DNAJC8: variants seen among roughly 807,000 people sequenced by gnomAD.
DNAJC8 encodes the protein DnaJ heat shock protein family (Hsp40) member C8.
In DNAJC8, 24 loss-of-function variants were observed where a neutral mutation model predicts 43.2. The ratio of observed to expected loss-of-function variants is 0.56; its 90% CI spans 0.40 to 0.78. DNAJC8 has a LOEUF of 0.78. DNAJC8 is among the 30% of genes least tolerant of loss of function. DNAJC8 has a pLI of 0.00. For missense variants in DNAJC8, 207 were observed against 299.4 expected, an observed-to-expected ratio of 0.69 and a Z score of 2.28; for synonymous variants, 83 against 98.0, an observed-to-expected ratio of 0.85 and a Z score of 0.90.
chr1:28,227,237 C>T lies in DNAJC8; in HGVS notation c.180+1685G>A, dbSNP rs1430225442. Among the ~76,000 whole-genome samples, 24 of 148,036 alleles carry T rather than the reference C, an allele frequency of 1.6e-4. 3 individuals are homozygous for T. Among genetic ancestry groups the T allele is most frequent in the Admixed American group, 1.3e-3 (19 of 14,662 alleles). Reference sequence around the variant, plus strand: ...CAACCTGAACAATATGGCAAAACCCCGTCTCTACTAAAAATACAAAAATTA... The same window carrying T: ...CAACCTGAACAATATGGCAAAACCCTGTCTCTACTAAAAATACAAAAATTA... On this transcript the variant is annotated intron_variant, in intron 2 of 8. Transcript: ENST00000263697.
At chr1:28,205,415 A>ACTTT (rs1646762122) in intron 6 of DNAJC8, 66 bp from the exon 7 acceptor site, 1 of 1,233,374 alleles carries the variant, frequency 8.1e-7, no homozygotes, top group Non-Finnish European at 1.2e-6. Flanking sequence ...TGAACCATGT[A>ACTTT]CTTTCACCTG....
chr1:28,233,001 C>G lies in DNAJC8; in HGVS notation c.-3G>C. On this transcript the variant is annotated 5_prime_UTR_variant, in exon 1 of 9. Coordinates refer to ENST00000263697, the MANE Select transcript of DNAJC8 (RefSeq NM_014280.3). ...CCGCTCTCTCCTGAAGCCGCCATTT[C>G]CCCGGCCCAGCCACCACGTGACCCT... 1 of 1,611,608 alleles carries G rather than the reference C, an allele frequency of 6.2e-7. No homozygotes were observed. The highest frequency in any genetic ancestry group is 1.1e-5 in the South Asian group (1 of 91,066).
chr1:28,209,922 C>T (rs376181446), intron 5 of DNAJC8, 50 bp downstream of exon 5: 1 of 1,567,038 alleles, frequency 6.4e-7, no homozygotes, highest in Middle Eastern at 1.7e-4. Context: ...ACAAGGTGCC[C>T]AAGGCTTGCT....
chr1:28,226,589 C>T (rs1055335384), intron 2 of DNAJC8, among the ~76,000 whole-genome samples: 1 of 150,964 alleles, frequency 6.6e-6, no homozygotes, highest in Non-Finnish European at 1.5e-5. Context: ...TTTTTTACCC[C>T]CCAGTCTATT....
At chr1:28,217,579 C>T (rs555903505) in intron 2 of DNAJC8, among the ~76,000 whole-genome samples, 9 of 152,146 alleles carry the variant, frequency 5.9e-5, no homozygotes, top group Admixed American at 5.9e-4. Context: ...ATAGGAAGAG[C>T]GAAGTCACGT....
chr1:28,228,630 G>C (rs1646953887), intron 2 of DNAJC8, among the ~76,000 whole-genome samples: 1 of 152,098 alleles, frequency 6.6e-6, no homozygotes, highest in Admixed American at 6.6e-5. Context: ...CAAAGAAAAT[G>C]CTCATTAACA....
chr1:28,217,100 G>T (rs1237872697), intron 2 of DNAJC8, among the ~76,000 whole-genome samples: 3 of 151,424 alleles, frequency 2.0e-5, no homozygotes, highest in Admixed American at 1.3e-4. Context: ...GAGCCACCGC[G>T]CCTGGCCTTA....
chr1:28,217,104 G>A (rs1354217476), intron 2 of DNAJC8, among the ~76,000 whole-genome samples: 2 of 151,750 alleles, frequency 1.3e-5, no homozygotes, highest in Non-Finnish European at 1.5e-5. Context: ...CACCGCGCCT[G>A]GCCTTAAGCA....
intron 6 of DNAJC8, among the ~76,000 whole-genome samples, chr1:28,207,701 C>G (rs1010985612): frequency 1.3e-5 from 2 of 151,364 alleles, no homozygotes; most frequent in Non-Finnish European, 2.9e-5. Context: ...CACGGCCTCC[C>G]AAATTTCTGG....
chr1:28,229,326 T>A (rs562183182), intron 1 of DNAJC8, among the ~76,000 whole-genome samples: 1 of 152,300 alleles, frequency 6.6e-6, no homozygotes, highest in African/African-American at 2.4e-5. Flanking sequence ...ACCCAACTTG[T>A]AAGCCAGAAT....
At chr1:28,201,432 G>T in intron 8 of DNAJC8, 62 bp from the exon 9 acceptor site, 1 of 1,606,250 alleles carries the variant, frequency 6.2e-7, no homozygotes, top group Non-Finnish European at 8.5e-7. Context: ...CCTAAACCTG[G>T]TCTGCCATCC....
At chr1:28,207,105 C>T (rs4243822) in intron 6 of DNAJC8, among the ~76,000 whole-genome samples, 50,090 of 151,342 alleles carry the variant, frequency 0.33, 8,991 homozygotes, top group African/African-American at 0.46. Flanking sequence ...GGGCCAGGTG[C>T]GGTGGTCCAC....
Position 28,232,909 on chromosome 1 carries a change from C to T in DNAJC8, c.78+12G>A. ...GTCGCCCCGGTGCCACTACTCCTCA[C>T]TCTGTGTTCACCTCACTGTAGAAGG... On this transcript the variant is annotated intron_variant, in intron 1 of 8. Coordinates refer to ENST00000263697, the MANE Select transcript of DNAJC8 (RefSeq NM_014280.3). 1.2e-6 allele frequency: 2 copies of T among 1,612,588 alleles called. No individual in the cohort carries two copies. Among genetic ancestry groups the T allele is most frequent in the Non-Finnish European group, 1.7e-6 (2 of 1,179,906 alleles).
chr1:28,216,308 G>A (rs1646854412), intron 2 of DNAJC8, among the ~76,000 whole-genome samples: 1 of 152,160 alleles, frequency 6.6e-6, no homozygotes, highest in Admixed American at 6.6e-5. Context: ...TAGGAAGAGC[G>A]AAGTCACGTA....
chr1:28,227,589 C>G (rs778266926), intron 2 of DNAJC8, among the ~76,000 whole-genome samples: 1 of 151,394 alleles, frequency 6.6e-6, no homozygotes, highest in Admixed American at 6.6e-5. Flanking sequence ...GACCCTGTCT[C>G]AAAAAAATAA....
intron 8 of DNAJC8, among the ~76,000 whole-genome samples, chr1:28,202,588 CTTTTTT>C (rs369024181): frequency 1.1e-5 from 1 of 89,656 alleles, no homozygotes; most frequent in Non-Finnish European, 2.1e-5. Flanking sequence ...CTTTTTTTTT[CTTTTTT>C]TTTTTTTTTT....
chr1:28,212,155 C>CAATAAATA (rs1553167901), intron 3 of DNAJC8, among the ~76,000 whole-genome samples: 1,002 of 33,952 alleles, frequency 0.03, 69 homozygotes, highest in Non-Finnish European at 0.036. Flanking sequence ...GACTCCGTCT[C>CAATAAATA]AATAAATAAA....
chr1:28,203,771 T>C lies in DNAJC8; in HGVS notation c.615A>G (p.Glu205=), dbSNP rs1467990091. The part of the protein sequence containing the change: ...EIEAQEKAKR[E]REWQKNFEES... ...CCTCAAAGTTTTTCTGCCACTCTCT[T>C]TCCCGTTTGGCTTTTTCTTGAGCTT... Residue 205 remains glutamate, a synonymous_variant, in exon 8 of 9, where the codon GAA becomes GAG. Transcript: ENST00000263697. The C allele has an allele frequency of 6.2e-7, 1 of 1,613,980 alleles. No individual in the cohort carries two copies. The highest frequency in any genetic ancestry group is 8.5e-7 in the Non-Finnish European group (1 of 1,179,966).
chr1:28,203,950 C>T (rs917095015), intron 7 of DNAJC8, 128 bp from the exon 8 acceptor site: 23 of 906,374 alleles, frequency 2.5e-5, no homozygotes, highest in Non-Finnish European at 3.8e-5. Flanking sequence ...ACAAAGATGG[C>T]TGTCTGGAAA....
Sources: allele counts gnomAD v4.1 joint callset (sites outside exome capture counted in the v4.1 genomes callset), GRCh38; gene constraint gnomAD v4.1.1; transcripts MANE v1.5; gene names NCBI Gene and HGNC (gene_info 2026-07-23, HGNC 2026-07-21).